Variants in ERI3 observed in about 807,000 individuals in gnomAD.
ERI3 encodes ERI1 exoribonuclease 3.
In ERI3, 18 loss-of-function variants were observed where a neutral mutation model predicts 44.4. The ratio of observed to expected loss-of-function variants is 0.41; its 90% CI spans 0.28 to 0.60. The LOEUF (loss-of-function observed/expected upper bound fraction) is 0.60. ERI3 is among the 20% of genes least tolerant of loss of function. The probability of loss-of-function intolerance (pLI) is 0.36; values close to 1 mark genes in which losing one functional copy is unlikely to be tolerated. For missense variants in ERI3, 294 were observed against 435.5 expected, an observed-to-expected ratio of 0.68 and a Z score of 2.89; for synonymous variants, 183 against 164.8, an observed-to-expected ratio of 1.11 and a Z score of -0.84.
chr1:44,281,905 T>C (rs965658201), intron 7 of ERI3, among the ~76,000 whole-genome samples: 43 of 150,714 alleles, frequency 2.9e-4, no homozygotes, highest in African/African-American at 9.8e-4. Flanking sequence ...TGTGTGTGTG[T>C]GTGTGTGTGT....
At chr1:44,332,452 C>T (rs1249759893) in intron 3 of ERI3, among the ~76,000 whole-genome samples, 1 of 152,148 alleles carries the variant, frequency 6.6e-6, no homozygotes, top group East Asian at 1.9e-4. Flanking sequence ...CTGGCCCCAC[C>T]CCCAGACAAC....
chr1:44,254,774 C>T (rs1012593986), intron 7 of ERI3, among the ~76,000 whole-genome samples: 20 of 152,002 alleles, frequency 1.3e-4, no homozygotes, highest in African/African-American at 4.6e-4. Flanking sequence ...TCCTTCCCCA[C>T]CTGCTCCTTC....
chr1:44,265,150 A>AGGAG (rs1403779342), intron 7 of ERI3, among the ~76,000 whole-genome samples: 1 of 51,700 alleles, frequency 1.9e-5, no homozygotes, highest in African/African-American at 2.3e-4. Context: ...AGAAGCGGGA[A>AGGAG]GGAGAACAAG....
intron 1 of ERI3, chr1:44,354,411 C>T: frequency 1.0e-6 from 1 of 985,430 alleles, no homozygotes; most frequent in Non-Finnish European, 1.2e-6. Context: ...CGCAGTCAAG[C>T]CTCAATCCAA....
chr1:44,284,634 G>T (rs889135598), intron 7 of ERI3, among the ~76,000 whole-genome samples: 2 of 152,188 alleles, frequency 1.3e-5, no homozygotes, highest in Non-Finnish European at 2.9e-5. Context: ...CTGCCCAGCA[G>T]CTGGATCCCC....
intron 1 of ERI3, chr1:44,353,581 T>C (rs1032083622): frequency 1.0e-6 from 1 of 985,434 alleles, no homozygotes; most frequent in Non-Finnish European, 1.2e-6. Flanking sequence ...CATTTAAGAC[T>C]TTCTTCTACT....
intron 1 of ERI3, chr1:44,353,877 C>T (rs1009285918): frequency 1.0e-6 from 1 of 985,268 alleles, no homozygotes; most frequent in Admixed American, 6.1e-5. Flanking sequence ...CGGCAGCTCC[C>T]TTCCCCCAAC....
intron 2 of ERI3, among the ~76,000 whole-genome samples, chr1:44,344,233 C>CAATAAATAAATAAATA (rs10652551): frequency 6.3e-5 from 9 of 142,568 alleles, no homozygotes; most frequent in African/African-American, 1.8e-4. Context: ...GACTCCATCT[C>CAATAAATAAATAAATA]AATAAATAAA....
At chr1:44,347,721 AGAGTTAAG>A (rs1646811671) in intron 2 of ERI3, among the ~76,000 whole-genome samples, 1 of 152,114 alleles carries the variant, frequency 6.6e-6, no homozygotes. Context: ...TAATTTTCAA[AGAGTTAAG>A]GAAGAAGGAT....
chr1:44,332,546 C>T (rs1033547274), intron 3 of ERI3, among the ~76,000 whole-genome samples: 5 of 152,326 alleles, frequency 3.3e-5, no homozygotes, highest in African/African-American at 1.2e-4. Flanking sequence ...AGCAAATAAA[C>T]CGCTTCGATC....
intron 1 of ERI3, chr1:44,353,488 CAG>C (rs1557876456): frequency 1.0e-6 from 1 of 985,278 alleles, no homozygotes; most frequent in African/African-American, 1.7e-5. Context: ...CCAGAAGTTG[CAG>C]AGATGCCCCT....
intron 6 of ERI3, among the ~76,000 whole-genome samples, chr1:44,285,396 G>C (rs1037434034): frequency 6.6e-6 from 1 of 152,172 alleles, no homozygotes; most frequent in Non-Finnish European, 1.5e-5. Flanking sequence ...TTACAGCAGA[G>C]AGGCAGACAG....
intron 2 of ERI3, among the ~76,000 whole-genome samples, chr1:44,349,623 T>C (rs1018479388): frequency 1.3e-5 from 2 of 152,230 alleles, no homozygotes; most frequent in Non-Finnish European, 2.9e-5. Context: ...ACAAAAAATA[T>C]GAAGCCAAAA....
chr1:44,281,765 A>G (rs1645292210), intron 7 of ERI3, among the ~76,000 whole-genome samples: 1 of 151,826 alleles, frequency 6.6e-6, no homozygotes, highest in Admixed American at 6.6e-5. Flanking sequence ...GCTTATAGGA[A>G]TATGTGCATA....
At chr1:44,242,013 G>C (rs1056627327) in intron 8 of ERI3, 1 of 985,490 alleles carries the variant, frequency 1.0e-6, no homozygotes, top group African/African-American at 1.7e-5. Flanking sequence ...GCTCCAAGGG[G>C]GTCAGCTCAG....
chr1:44,221,175 G>T lies in ERI3; in HGVS notation c.*383C>A. The T allele has an allele frequency of 3.2e-6, 1 of 307,978 alleles. No individual in the cohort carries two copies. Among genetic ancestry groups the T allele is most frequent in the Non-Finnish European group, 6.2e-6 (1 of 161,768 alleles). The allele number at this position is 307,978 out of a possible 1,614,324, so 19.1% of individuals were successfully genotyped here. On this transcript the variant is annotated 3_prime_UTR_variant, in exon 9 of 9. Coordinates refer to ENST00000372257, the MANE Select transcript of ERI3 (RefSeq NM_024066.3). The surrounding 1 kb of genome is among the most constrained non-coding windows in gnomAD (Gnocchi z 5.9). ...AAGGTGGGGCCTGATCTGTCCTGGA[G>T]CCCTGGGGGCACCACACACCATGCA... is the stretch of plus-strand genomic sequence containing the variant.
intron 8 of ERI3, chr1:44,230,517 G>C (rs982830588): frequency 6.6e-6 from 1 of 152,274 alleles, no homozygotes; most frequent in Non-Finnish European, 1.5e-5. Context: ...CCCTCTTCCA[G>C]AATGGCCTGA....
At chr1:44,266,152 A>AAGGCACTTGATAT (rs1377662319) in intron 7 of ERI3, among the ~76,000 whole-genome samples, 1 of 152,204 alleles carries the variant, frequency 6.6e-6, no homozygotes, top group Non-Finnish European at 1.5e-5. Context: ...TAGCTTTCTG[A>AAGGCACTTGATAT]AGGCACTTGA....
chr1:44,241,875 TGTCCATCAACTCACCCACCCATCTA>T lies in ERI3; in HGVS notation c.931+6039_931+6063del, dbSNP rs1190186711. On this transcript the variant is annotated intron_variant, in intron 8 of 8. Transcript: ENST00000372257. The surrounding 1 kb of genome is among the most constrained non-coding windows in gnomAD (Gnocchi z 5.6). ...ACAGGAGAACCTTCTTCCATCCATC[TGTCCATCAACTCACCCACCCATCTA>T]GTCCATCAACTCACCCATCCATCTA... 43 of 807,688 alleles carry T rather than the reference TGTCCATCAACTCACCCACCCATCTA, an allele frequency of 5.3e-5. No individual in the cohort carries two copies. Among genetic ancestry groups the T allele is most frequent in the Middle Eastern group, 6.4e-4 (1 of 1,556 alleles). 50.0% of individuals were successfully genotyped at this position (807,688 alleles called of 1,614,324 possible). A position where few individuals can be genotyped will look rare whatever the true frequency, so the allele number is the denominator to read the frequency against.
Sources: allele counts gnomAD v4.1 joint callset (sites outside exome capture counted in the v4.1 genomes callset), GRCh38; gene constraint gnomAD v4.1.1; non-coding constraint Gnocchi (gnomAD v3.1); transcripts MANE v1.5; gene names NCBI Gene and HGNC (gene_info 2026-07-23, HGNC 2026-07-21).